C1orf21: variants seen among roughly 807,000 people sequenced by gnomAD.
The protein encoded by C1orf21 is uncharacterized protein C1orf21.
Under a neutral mutation model 18.7 loss-of-function variants are expected in C1orf21, and 3 were observed. The ratio of observed to expected loss-of-function variants is 0.16; its 90% CI spans 0.07 to 0.42. The LOEUF (loss-of-function observed/expected upper bound fraction) is 0.42. C1orf21 is among the 10% of genes least tolerant of loss of function. The pLI is 0.99. For synonymous variants in C1orf21, 41 were observed against 46.4 expected (o/e 0.88, Z 0.47); for missense variants, 104 against 143.6 (o/e 0.72, Z 1.41).
At chr1:184,388,461 G>T (rs1386245270) in intron 1 of C1orf21, among the ~76,000 whole-genome samples, 1 of 152,162 alleles carries the variant, frequency 6.6e-6, no homozygotes, top group African/African-American at 2.4e-5. Flanking sequence ...GATAGTGCTT[G>T]TGTTGTCCGT....
At chr1:184,455,970 A>C (rs980663015) in intron 1 of C1orf21, among the ~76,000 whole-genome samples, 2 of 152,194 alleles carry the variant, frequency 1.3e-5, no homozygotes, top group African/African-American at 4.8e-5. Flanking sequence ...GAGTCATGTG[A>C]GTATACAGTT....
chr1:184,580,531 C>T (rs900656090), intron 3 of C1orf21, among the ~76,000 whole-genome samples: 6 of 152,208 alleles, frequency 3.9e-5, no homozygotes, highest in African/African-American at 1.2e-4. Context: ...TTTTCCCTTA[C>T]AAATTGATGT....
At chr1:184,608,000 G>A (rs1240611438) in intron 5 of C1orf21, among the ~76,000 whole-genome samples, 1 of 152,048 alleles carries the variant, frequency 6.6e-6, no homozygotes, top group Non-Finnish European at 1.5e-5. Context: ...ACATAAAAGT[G>A]TAGTATATTT....
chr1:184,573,437 G>T (rs1659142632), intron 3 of C1orf21, among the ~76,000 whole-genome samples: 1 of 152,086 alleles, frequency 6.6e-6, no homozygotes, highest in Non-Finnish European at 1.5e-5. Flanking sequence ...AGAGTTCTTG[G>T]CCGAAGATTC....
intron 3 of C1orf21, among the ~76,000 whole-genome samples, chr1:184,529,898 A>G (rs1319112476): frequency 6.6e-6 from 1 of 152,228 alleles, no homozygotes; most frequent in Non-Finnish European, 1.5e-5. Context: ...TTTAGGGTCA[A>G]ATAGACCCTG....
chr1:184,427,051 T>A (rs994387923), intron 1 of C1orf21, among the ~76,000 whole-genome samples: 1 of 152,148 alleles, frequency 6.6e-6, no homozygotes, highest in Non-Finnish European at 1.5e-5. Flanking sequence ...AAGAATGTTA[T>A]GTTTGAGCTG....
In C1orf21 at chr1:184,577,225, A is replaced by G. The variant is rs561350601; in HGVS notation, c.190-13514A>G. Among the ~76,000 whole-genome samples the G allele has an allele frequency of 1.8e-4, 28 of 151,506 alleles. No individual in the cohort carries two copies. The South Asian group carries it at 5.5e-3, about 30-fold the overall frequency. ...ATTCGTACAAGAGGGAAGCAAGAGA[A>G]TCAGAGTTAGAGAAAGAAGATGTAA... is the stretch of plus-strand genomic sequence containing the variant. On this transcript the variant is annotated intron_variant, in intron 3 of 5. Transcript: ENST00000235307.
intron 3 of C1orf21, among the ~76,000 whole-genome samples, chr1:184,586,771 A>G (rs1456932406): frequency 6.6e-6 from 1 of 152,168 alleles, no homozygotes; most frequent in East Asian, 1.9e-4. Flanking sequence ...TGCTGAGCAG[A>G]AGCTCTTTAG....
chr1:184,532,005 GATTA>G (rs1658469047), intron 3 of C1orf21, among the ~76,000 whole-genome samples: 1 of 151,004 alleles, frequency 6.6e-6, no homozygotes, highest in Non-Finnish European at 1.5e-5. Context: ...GTATACATTT[GATTA>G]ATTGATTGAA....
At chr1:184,511,642 T>C (rs1658147730) in intron 3 of C1orf21, among the ~76,000 whole-genome samples, 1 of 152,194 alleles carries the variant, frequency 6.6e-6, no homozygotes, top group Non-Finnish European at 1.5e-5. Context: ...GAATGCTTGA[T>C]ATATTAGTCC....
At chr1:184,569,893 C>T (rs556708128) in intron 3 of C1orf21, among the ~76,000 whole-genome samples, 2 of 152,286 alleles carry the variant, frequency 1.3e-5, no homozygotes, top group African/African-American at 2.4e-5. Context: ...ATGTCCTAAG[C>T]CAAAGCCTAC....
chr1:184,582,520 C>A (rs1659288715), intron 3 of C1orf21, among the ~76,000 whole-genome samples: 1 of 152,188 alleles, frequency 6.6e-6, no homozygotes, highest in African/African-American at 2.4e-5. Flanking sequence ...ATACTCTAAT[C>A]CCCACTACTT....
rs531484873 is a variant in C1orf21, at chr1:184,511,713, A to C, written c.189+4031A>C. ...GGTAATACATAAAGCAAGAGGTTTA[A>C]CTGAGTCACAGTTCCGCATGGCTGG... On this transcript the variant is annotated intron_variant, in intron 3 of 5. Coordinates refer to ENST00000235307, the MANE Select transcript of C1orf21 (RefSeq NM_030806.4). Among the ~76,000 whole-genome samples, 3 of 152,330 alleles carry C rather than the reference A, an allele frequency of 2.0e-5. No individual in the cohort carries two copies. In the South Asian group the frequency reaches 6.2e-4, roughly 32 times the overall value.
intron 1 of C1orf21, among the ~76,000 whole-genome samples, chr1:184,423,027 C>A (rs1656570929): frequency 6.6e-6 from 1 of 152,206 alleles, no homozygotes; most frequent in Non-Finnish European, 1.5e-5. Context: ...CTTGTGTAAA[C>A]TATTTATCCT....
At chr1:184,597,984 C>A (rs144736850) in intron 4 of C1orf21, among the ~76,000 whole-genome samples, 1 of 152,242 alleles carries the variant, frequency 6.6e-6, no homozygotes, top group East Asian at 1.9e-4. Flanking sequence ...ATACTGATAA[C>A]CTTTGTAAAA....
chr1:184,586,573 G>A (rs1294026090), intron 3 of C1orf21, among the ~76,000 whole-genome samples: 8 of 151,976 alleles, frequency 5.3e-5, no homozygotes, highest in Non-Finnish European at 5.9e-5. Flanking sequence ...GTGAGCCACC[G>A]CGCCCGGCCT....
chr1:184,618,758 C>A (rs571653902), intron 5 of C1orf21, among the ~76,000 whole-genome samples: 3 of 151,896 alleles, frequency 2.0e-5, no homozygotes, highest in African/African-American at 7.2e-5. Context: ...ACATCGGACA[C>A]AGGCAGGGCA....
chr1:184,398,892 T>C (rs755779243), intron 1 of C1orf21, among the ~76,000 whole-genome samples: 2 of 152,214 alleles, frequency 1.3e-5, no homozygotes, highest in Non-Finnish European at 2.9e-5. Context: ...CAAAACATGG[T>C]TATGTGGCAC....
chr1:184,403,174 A>G (rs1399785751), intron 1 of C1orf21, among the ~76,000 whole-genome samples: 1 of 152,244 alleles, frequency 6.6e-6, no homozygotes, highest in Non-Finnish European at 1.5e-5. Context: ...ACTGTTGATA[A>G]TACTGAAACC....
Sources: allele counts gnomAD v4.1 joint callset (sites outside exome capture counted in the v4.1 genomes callset), GRCh38; gene constraint gnomAD v4.1.1; transcripts MANE v1.5; gene names NCBI Gene and HGNC (gene_info 2026-07-23, HGNC 2026-07-21).